The following PBX3 variants were observed in gnomAD, a reference collection of about 807,000 sequenced individuals.
PBX3 encodes the protein PBX homeobox 3.
PBX3 carries 14 observed loss-of-function variants against 48.5 expected under a neutral mutation model. The ratio of observed to expected loss-of-function variants is 0.29; its 90% CI spans 0.19 to 0.45. The LOEUF (loss-of-function observed/expected upper bound fraction) is 0.45. Among genes scored for constraint, PBX3 ranks in the 20% least tolerant of loss-of-function variants. The pLI, the probability that PBX3 is intolerant of heterozygous loss-of-function variation, is 1.00. For missense variants in PBX3, 386 were observed against 546.7 expected (o/e 0.71, Z 2.93); for synonymous variants, 210 against 200.3 (o/e 1.05, Z -0.41).
intron 2 of PBX3, among the ~76,000 whole-genome samples, chr9:125,778,310 G>T (rs1409935521): frequency 6.6e-6 from 1 of 151,324 alleles, no homozygotes; most frequent in Non-Finnish European, 1.5e-5. Flanking sequence ...TCAGGCTGGA[G>T]TGCAGTGGCA....
At chr9:125,937,022 C>G (rs1277700530) in intron 5 of PBX3, among the ~76,000 whole-genome samples, 1 of 152,156 alleles carries the variant, frequency 6.6e-6, no homozygotes, top group Non-Finnish European at 1.5e-5. Context: ...ATGATGATGC[C>G]ACGCCTGGTT....
At chr9:125,821,008 G>A (rs1247407501) in intron 2 of PBX3, among the ~76,000 whole-genome samples, 1 of 152,138 alleles carries the variant, frequency 6.6e-6, no homozygotes, top group Non-Finnish European at 1.5e-5. Flanking sequence ...TCATAGTTTA[G>A]GTTGTATTAA....
intron 2 of PBX3, among the ~76,000 whole-genome samples, chr9:125,768,925 G>A (rs963815151): frequency 2.6e-5 from 4 of 151,892 alleles, no homozygotes; most frequent in African/African-American, 9.7e-5. Context: ...GTTTCTTTTT[G>A]AAAAAAGGTC....
intron 2 of PBX3, 105 bp downstream of exon 2, chr9:125,748,728 C>T: frequency 1.3e-6 from 1 of 757,134 alleles, no homozygotes; most frequent in Non-Finnish European, 2.2e-6. Context: ...GCACCGCCAT[C>T]TTTGATCATT....
At chr9:125,950,087 CTT>C (rs2118759714) in intron 5 of PBX3, among the ~76,000 whole-genome samples, 1 of 152,218 alleles carries the variant, frequency 6.6e-6, no homozygotes, top group African/African-American at 2.4e-5. Context: ...AAAAAAAACT[CTT>C]AACTGTAAAT....
At chr9:125,773,754 A>G (rs1329918379) in intron 2 of PBX3, among the ~76,000 whole-genome samples, 1 of 152,206 alleles carries the variant, frequency 6.6e-6, no homozygotes, top group African/African-American at 2.4e-5. Context: ...TTTGCTAGAT[A>G]ATGTTGAATT....
At chr9:125,790,638 A>C (rs1233923807) in intron 2 of PBX3, among the ~76,000 whole-genome samples, 2 of 151,942 alleles carry the variant, frequency 1.3e-5, no homozygotes, top group African/African-American at 4.8e-5. Context: ...GCACAATAAT[A>C]GGTTATTGCA....
At chr9:125,748,132 G>C in intron 1 of PBX3, 1 of 593,694 alleles carries the variant, frequency 1.7e-6, no homozygotes, top group South Asian at 7.3e-5. Context: ...AGTTCTCGGA[G>C]AGGGAGGGCC....
intron 2 of PBX3, among the ~76,000 whole-genome samples, chr9:125,781,803 CT>C (rs927257843): frequency 9.4e-5 from 14 of 148,780 alleles, no homozygotes; most frequent in South Asian, 2.1e-4. Context: ...GATTTGAGAT[CT>C]TTTTTTTTTC....
chr9:125,929,083 A>G (rs1258062469), intron 3 of PBX3, among the ~76,000 whole-genome samples: 1 of 152,154 alleles, frequency 6.6e-6, no homozygotes, highest in African/African-American at 2.4e-5. Context: ...GATGCTACCT[A>G]TTGTTTAAAG....
chr9:125,833,226 C>T (rs776667459), intron 2 of PBX3, among the ~76,000 whole-genome samples: 8 of 152,116 alleles, frequency 5.3e-5, no homozygotes, highest in Non-Finnish European at 1.2e-4. Context: ...TGACTCATGC[C>T]TGTAATCCCA....
At chr9:125,877,066 C>T (rs999974709) in intron 2 of PBX3, among the ~76,000 whole-genome samples, 7 of 152,052 alleles carry the variant, frequency 4.6e-5, no homozygotes, top group South Asian at 2.1e-4. Flanking sequence ...GCCACCGTGC[C>T]GGGCACATGT....
At chr9:125,860,044 T>C (rs1839822129) in intron 2 of PBX3, among the ~76,000 whole-genome samples, 1 of 152,232 alleles carries the variant, frequency 6.6e-6, no homozygotes, top group South Asian at 2.1e-4. Flanking sequence ...TATGCCACTG[T>C]AACAAACAAC....
rs1838135608 is a variant in PBX3, at chr9:125,806,712, C to A, written c.274+58089C>A. Among the ~76,000 whole-genome samples the A allele has an allele frequency of 3.3e-5, 5 of 152,142 alleles. 1 individual carries two copies. The South Asian group carries it at 1.0e-3, about 32-fold the overall frequency. On this transcript the variant is annotated intron_variant, in intron 2 of 8. Coordinates refer to ENST00000373489, the MANE Select transcript of PBX3 (RefSeq NM_006195.6). ...AGTCATATGGGGGGAAATTGCAGAT[C>A]ATATTAAGCTCAGTGTCTCATAAGT...
intron 2 of PBX3, among the ~76,000 whole-genome samples, chr9:125,855,766 G>A (rs913609859): frequency 6.6e-6 from 1 of 152,142 alleles, no homozygotes; most frequent in African/African-American, 2.4e-5. Flanking sequence ...CTTTACAGAT[G>A]AAAGTTTTGT....
chr9:125,793,411 G>A (rs868583842), intron 2 of PBX3, among the ~76,000 whole-genome samples: 6 of 142,606 alleles, frequency 4.2e-5, no homozygotes, highest in Non-Finnish European at 1.5e-5. Flanking sequence ...AAGTGGAAGT[G>A]GATCATCATA....
At chr9:125,868,145 G>A (rs1369378769) in intron 2 of PBX3, among the ~76,000 whole-genome samples, 1 of 150,996 alleles carries the variant, frequency 6.6e-6, no homozygotes, top group African/African-American at 2.4e-5. Context: ...AAAGTGCTGG[G>A]ATTACAGGTC....
intron 5 of PBX3, chr9:125,949,542 A>C: frequency 7.3e-7 from 1 of 1,371,092 alleles, no homozygotes; most frequent in Non-Finnish European, 9.5e-7. Context: ...ATATATATAT[A>C]GTATTCTTTA....
intron 2 of PBX3, among the ~76,000 whole-genome samples, chr9:125,781,392 C>T (rs886648858): frequency 5.3e-5 from 8 of 151,624 alleles, no homozygotes; most frequent in South Asian, 2.1e-4. Context: ...TGGTGGCGCG[C>T]GCCTGCAATC....
Sources: gnomAD v4.1 joint callset for allele counts (sites outside exome capture counted in the v4.1 genomes callset) on GRCh38, gnomAD v4.1.1 for gene constraint, MANE v1.5 for transcripts, NCBI Gene and HGNC (gene_info 2026-07-23, HGNC 2026-07-21) for gene names.